ANKIB1: variants seen among roughly 807,000 people sequenced by gnomAD.
The protein encoded by ANKIB1 is ankyrin repeat and IBR domain-containing protein 1.
A neutral mutation model predicts 122.1 loss-of-function variants in ANKIB1; 43 were observed. That is an observed-to-expected ratio of 0.35 (90% CI 0.28 to 0.45). ANKIB1 has a LOEUF of 0.45. Ranked by LOEUF, ANKIB1 falls within the 20% of genes least tolerant of loss-of-function variation. ANKIB1 has a pLI of 1.00. For synonymous variants in ANKIB1, 390 were observed against 442.0 expected (o/e 0.88, Z 1.48); for missense variants, 992 against 1,329.5 (o/e 0.75, Z 3.95).
intron 5 of ANKIB1, among the ~76,000 whole-genome samples, chr7:92,339,631 G>A (rs1438984270): frequency 6.6e-6 from 1 of 152,154 alleles, no homozygotes; most frequent in Non-Finnish European, 1.5e-5. Flanking sequence ...AAAATCGATT[G>A]CAATATAGGT....
At chr7:92,392,019 A>G (rs575297096) in intron 16 of ANKIB1, among the ~76,000 whole-genome samples, 1 of 152,316 alleles carries the variant, frequency 6.6e-6, no homozygotes, top group African/African-American at 2.4e-5. Flanking sequence ...CTTTGTTATA[A>G]CATGGTAATT....
rs117370502 is a variant in ANKIB1, at chr7:92,337,508, T to A, written c.788-5516T>A. Among the ~76,000 whole-genome samples, 11 of 152,330 alleles carry A rather than the reference T, an allele frequency of 7.2e-5. No individual in the cohort carries two copies. The East Asian group carries it at 2.1e-3, about 29-fold the overall frequency. On this transcript the variant is annotated intron_variant, in intron 5 of 19. Coordinates refer to ENST00000265742, the MANE Select transcript of ANKIB1 (RefSeq NM_019004.2). ...GGTATTATAAATTTCTTTCCTAATG[T>A]TCAGCTGTTCTTATATTCCAGGAAT...
At chr7:92,260,728 C>G (rs868249204) in intron 1 of ANKIB1, among the ~76,000 whole-genome samples, 6 of 151,280 alleles carry the variant, frequency 4.0e-5, no homozygotes, top group African/African-American at 1.5e-4. Flanking sequence ...GCTGGCTACC[C>G]TTTTAGACAT....
chr7:92,281,754 G>A (rs1159993809), intron 1 of ANKIB1, among the ~76,000 whole-genome samples: 1 of 152,202 alleles, frequency 6.6e-6, no homozygotes, highest in Non-Finnish European at 1.5e-5. Context: ...ACAGTGGGTG[G>A]TGGAGCGAGT....
chr7:92,387,645 A>C (rs1475191736), intron 12 of ANKIB1, among the ~76,000 whole-genome samples, 153 bp from the exon 13 acceptor site: 2 of 152,196 alleles, frequency 1.3e-5, no homozygotes, highest in African/African-American at 4.8e-5. Context: ...CAAAAAAAAA[A>C]AAACAAGTAT....
intron 18 of ANKIB1, 21 bp downstream of exon 18, chr7:92,396,497 T>C: frequency 8.4e-7 from 1 of 1,187,976 alleles, no homozygotes; most frequent in Non-Finnish European, 1.2e-6. Context: ...GCATTGAGTA[T>C]GGTTTAATCT....
At chr7:92,392,493 CTT>C (rs1223790799) in intron 17 of ANKIB1, among the ~76,000 whole-genome samples, 1 of 151,978 alleles carries the variant, frequency 6.6e-6, no homozygotes, top group Non-Finnish European at 1.5e-5. Context: ...ATGCATTACT[CTT>C]TTATTGTTTT....
intron 9 of ANKIB1, among the ~76,000 whole-genome samples, chr7:92,357,637 A>T (rs1375068403): frequency 2.7e-5 from 4 of 150,472 alleles, no homozygotes; most frequent in African/African-American, 9.8e-5. Context: ...TGGGAGGCTG[A>T]GGCAGTAGGA....
chr7:92,352,513 C>A lies in ANKIB1; in HGVS notation c.1268C>A (p.Pro423His), dbSNP rs1299643064. 6.2e-7 allele frequency: 1 copy of A among 1,613,474 alleles called. No individual in the cohort carries two copies. Among genetic ancestry groups the A allele is most frequent in the South Asian group, 1.1e-5 (1 of 90,952 alleles). The change falls in exon 9 of 20, where the codon CCT becomes CAT. Residue 423 changes from proline to histidine, a missense_variant. Pro to His is a moderately conservative substitution (Grantham distance 77). Coordinates refer to ENST00000265742, the MANE Select transcript of ANKIB1 (RefSeq NM_019004.2). ...VENNPAIKWC[P>H]TPGCDRAVRL... The stretch of plus-strand genomic sequence containing the variant: ...AATAATCCTGCCATTAAATGGTGTC[C>A]TACTCCAGGCTGTGACAGAGCAGTA...
chr7:92,258,259 G>A (rs1206310300), intron 1 of ANKIB1, among the ~76,000 whole-genome samples: 2 of 152,142 alleles, frequency 1.3e-5, no homozygotes, highest in African/African-American at 2.4e-5. Flanking sequence ...AAGAGAAAAT[G>A]AAAAATAATA....
In ANKIB1 at chr7:92,246,417, G is replaced by T. The variant is rs755481484; in HGVS notation, c.-193G>T. On this transcript the variant is annotated 5_prime_UTR_variant, in exon 1 of 20. Coordinates refer to ENST00000265742, the MANE Select transcript of ANKIB1 (RefSeq NM_019004.2). ...CCGTCCGGGTGGGTGGGGCGGGCTG[G>T]GTACCTGAGGTCACCAGCTCGGCTG... 1 of 513,374 alleles carries T rather than the reference G, an allele frequency of 1.9e-6. No homozygotes were observed. The highest frequency in any genetic ancestry group is 3.9e-6 in the Non-Finnish European group (1 of 258,322). The allele number at this position is 513,374 out of a possible 1,614,324, so 31.8% of individuals were successfully genotyped here. A position where few individuals can be genotyped will look rare whatever the true frequency, so the allele number is the denominator to read the frequency against.
Position 92,259,047 on chromosome 7 carries a change from G to A in ANKIB1, c.-91+12528G>A, listed in dbSNP as rs112248140. Among the ~76,000 whole-genome samples, 9 of 151,634 alleles carry A rather than the reference G, an allele frequency of 5.9e-5. 1 individual carries two copies. The highest frequency in any genetic ancestry group is 2.1e-4 in the South Asian group (1 of 4,748). On this transcript the variant is annotated intron_variant, in intron 1 of 19. Coordinates refer to ENST00000265742, the MANE Select transcript of ANKIB1 (RefSeq NM_019004.2). Reference sequence around the variant, plus strand: ...TGGCTCACTGTAACCTCTGCTTCCCGGGCTCCATTGATCCTCCTGTCTCAG... The same window carrying A: ...TGGCTCACTGTAACCTCTGCTTCCCAGGCTCCATTGATCCTCCTGTCTCAG...
At chr7:92,303,189 C>T (rs1344663179) in intron 2 of ANKIB1, among the ~76,000 whole-genome samples, 1 of 152,102 alleles carries the variant, frequency 6.6e-6, no homozygotes, top group African/African-American at 2.4e-5. Context: ...ATCTCTTATT[C>T]AAAATGAGTG....
At chr7:92,340,217 T>C (rs947331859) in intron 5 of ANKIB1, among the ~76,000 whole-genome samples, 2 of 152,204 alleles carry the variant, frequency 1.3e-5, no homozygotes, top group African/African-American at 4.8e-5. Context: ...ACCTTGGGTC[T>C]AAGTAAGACT....
At chr7:92,247,330 G>C (rs552566032) in intron 1 of ANKIB1, among the ~76,000 whole-genome samples, 2 of 152,166 alleles carry the variant, frequency 1.3e-5, no homozygotes, top group African/African-American at 2.4e-5. Context: ...GAAGTATGTG[G>C]GTATGTGTAA....
chr7:92,351,316 G>A (rs1346727125), intron 8 of ANKIB1, among the ~76,000 whole-genome samples: 7 of 152,092 alleles, frequency 4.6e-5, no homozygotes, highest in Non-Finnish European at 1.0e-4. Context: ...TAAAGTACTG[G>A]TAATTTACAA....
At chr7:92,313,681 T>C (rs1802736848) in intron 3 of ANKIB1, among the ~76,000 whole-genome samples, 1 of 152,184 alleles carries the variant, frequency 6.6e-6, no homozygotes, top group Admixed American at 6.5e-5. Context: ...GAGGAGGCTA[T>C]TCAAAATGTG....
chr7:92,352,504 A>C lies in ANKIB1; in HGVS notation c.1259A>C (p.Lys420Thr). ...TTTGTTGAAAATAATCCTGCCATTA[A>C]ATGGTGTCCTACTCCAGGCTGTGAC... is the stretch of plus-strand genomic sequence containing the variant. Reference protein sequence around the residue: ...KAFVENNPAIKWCPTPGCDRA... With the variant: ...KAFVENNPAITWCPTPGCDRA... Residue 420 changes from lysine (K) to threonine (T), a missense_variant, in exon 9 of 20, where the codon AAA becomes ACA. Physicochemically the swap from Lys to Thr is moderately conservative, Grantham distance 78. Coordinates refer to ENST00000265742, the MANE Select transcript of ANKIB1 (RefSeq NM_019004.2). The C allele has an allele frequency of 6.2e-7, 1 of 1,613,230 alleles. No homozygotes were observed. Among genetic ancestry groups the C allele is most frequent in the Non-Finnish European group, 8.5e-7 (1 of 1,179,722 alleles).
chr7:92,289,675 A>G (rs1802206750), intron 1 of ANKIB1, among the ~76,000 whole-genome samples: 1 of 152,244 alleles, frequency 6.6e-6, no homozygotes, highest in Non-Finnish European at 1.5e-5. Flanking sequence ...TCTGATGCAC[A>G]GGGACAAAAT....
Sources: allele counts gnomAD v4.1 joint callset (sites outside exome capture counted in the v4.1 genomes callset), GRCh38; gene constraint gnomAD v4.1.1; transcripts MANE v1.5; gene names NCBI Gene and HGNC (gene_info 2026-07-23, HGNC 2026-07-21).